Variants in GEMIN5 observed in about 807,000 individuals in gnomAD.
GEMIN5 encodes the protein gem nuclear organelle associated protein 5, also known as gem-associated protein 5.
A neutral mutation model predicts 176.9 loss-of-function variants in GEMIN5; 124 were observed. The ratio of observed to expected loss-of-function variants is 0.70; its 90% confidence interval spans 0.61 to 0.81. The LOEUF (loss-of-function observed/expected upper bound fraction) is 0.81, where lower values mean the gene tolerates loss of function less well. GEMIN5 is among the 40% of genes least tolerant of loss of function. The probability of loss-of-function intolerance (pLI) is 0.00; values close to 1 mark genes in which losing one functional copy is unlikely to be tolerated. For missense variants in GEMIN5, 1,843 were observed against 1,814.6 expected, an observed-to-expected ratio of 1.02 and a Z score of -0.28; for synonymous variants, 673 against 665.2, an observed-to-expected ratio of 1.01 and a Z score of -0.18.
Position 154,905,425 on chromosome 5 carries a change from G to C in GEMIN5, c.2447C>G (p.Ser816Ter). Residue 816 changes from serine to a stop codon, truncating the protein, a stop_gained, in exon 17 of 28, where the codon TCA becomes TGA. Transcript: ENST00000285873. LOFTEE classifies it high-confidence loss of function. ...GACTTTGTTATTAATGGTGACTTTTGACTTTTCAAAGCCTGAGGAAACTGG... is the reference window on the plus strand; with the variant it reads ...GACTTTGTTATTAATGGTGACTTTTCACTTTTCAAAGCCTGAGGAAACTGG... Reference protein sequence around the residue: ...CTPVSSGFEKSKVTINNKVIL... With the variant: ...CTPVSSGFEK 6.2e-7 allele frequency: 1 copy of C among 1,609,050 alleles called. No homozygotes were observed. Among genetic ancestry groups the C allele is most frequent in the Non-Finnish European group, 8.5e-7 (1 of 1,177,078 alleles).
In GEMIN5 at chr5:154,895,258, T is replaced by C. The variant is rs1763324774; in HGVS notation, c.3597+834A>G. ...GGCTCATGCCTGTAATCCCAGTACT[T>C]TGGGAGGCTGAGGCGGGAGGATCAC... On this transcript the variant is annotated intron_variant, in intron 24 of 27. Coordinates refer to ENST00000285873, the MANE Select transcript of GEMIN5 (RefSeq NM_015465.5). Among the ~76,000 whole-genome samples the C allele has an allele frequency of 5.3e-5, 8 of 151,040 alleles. No individual in the cohort carries two copies. In the South Asian group the frequency reaches 1.7e-3, roughly 32 times the overall value.
rs377286124 is a variant in GEMIN5 at position 154,924,584 on chromosome 5, T to C, written c.1294-30A>G. 576 of 1,366,964 alleles carry C rather than the reference T, an allele frequency of 4.2e-4. No individual in the cohort carries two copies. In the Middle Eastern group the frequency reaches 5.6e-3, roughly 13 times the overall value. The allele number at this position is 1,366,964 out of a possible 1,614,324, so 84.7% of individuals were successfully genotyped here. ...AAAAAAAAGAGTTTCCAAGTGAGAA[T>C]ATAAGAAGTGGGGCATATAGTTAAA... On this transcript the variant is annotated intron_variant, in intron 8 of 27. Transcript: ENST00000285873.
At chr5:154,894,215 G>A (rs889411744) in intron 24 of GEMIN5, among the ~76,000 whole-genome samples, 1 of 152,118 alleles carries the variant, frequency 6.6e-6, no homozygotes, top group African/African-American at 2.4e-5. Context: ...AAAGTGCTGG[G>A]ATTACAGGTG....
In GEMIN5 at chr5:154,938,193, C is replaced by T. The variant is rs1764313984; in HGVS notation, c.-60G>A. On this transcript the variant is annotated 5_prime_UTR_variant, in exon 1 of 28. Transcript: ENST00000285873. The stretch of plus-strand genomic sequence containing the variant: ...CAGCCGACCGCTCGTAGCCTCACGC[C>T]TTAGGTAGGGAGCGGGGCGGGGTGA... The T allele has an allele frequency of 7.9e-7, 1 of 1,270,558 alleles. No individual in the cohort carries two copies. Among genetic ancestry groups the T allele is most frequent in the South Asian group, 2.5e-5 (1 of 40,030 alleles). The allele number at this position is 1,270,558 out of a possible 1,614,324, so 78.7% of individuals were successfully genotyped here.
chr5:154,898,507 T>C lies in GEMIN5; in HGVS notation c.3278A>G (p.Gln1093Arg). ...CCAGTTGTTGGCCAGAAGCAGCTCT[T>C]GGGCACATCTGAGAGCCAGGGAAGC... ...LSASLALRCA[Q>R]ELLLANNWVG... The change falls in exon 23 of 28, where the codon CAA becomes CGA. Residue 1093 changes from glutamine (Q) to arginine (R), a missense_variant. Physicochemically the swap from Gln to Arg is conservative, Grantham distance 43. Coordinates refer to ENST00000285873, the MANE Select transcript of GEMIN5 (RefSeq NM_015465.5). The C allele has an allele frequency of 6.2e-7, 1 of 1,614,214 alleles. No homozygotes were observed. The highest frequency in any genetic ancestry group is 8.5e-7 in the Non-Finnish European group (1 of 1,180,034).
intron 5 of GEMIN5, among the ~76,000 whole-genome samples, chr5:154,930,433 G>A (rs942758306): frequency 2.6e-5 from 4 of 152,140 alleles, no homozygotes; most frequent in Admixed American, 6.5e-5. Flanking sequence ...TTGCCACACC[G>A]AAATTTTATT....
At chr5:154,937,259 A>G (rs1764289140) in intron 1 of GEMIN5, 74 bp from the exon 2 acceptor site, 1 of 1,245,386 alleles carries the variant, frequency 8.0e-7, no homozygotes, top group East Asian at 2.4e-5. Context: ...CTGTTGTTGG[A>G]TGACAAGTGA....
Position 154,917,177 on chromosome 5 carries a change from G to T in GEMIN5, c.1676C>A (p.Ser559Ter). The change falls in exon 13 of 28, where the codon TCA becomes TAA. Residue 559 changes from serine to a stop codon, truncating the protein, a stop_gained and splice_region_variant. Coordinates refer to ENST00000285873, the MANE Select transcript of GEMIN5 (RefSeq NM_015465.5). LOFTEE classifies it high-confidence loss of function. ...GTTGGGAATCTGAAATATTTCTATT[G>T]ATCTGGAATAAGAAACACATCAAAA... ...KIMALGNEDG[S>*]IEIFQIPNLK... 1 of 1,485,948 alleles carries T rather than the reference G, an allele frequency of 6.7e-7. No homozygotes were observed. Among genetic ancestry groups the T allele is most frequent in the South Asian group, 1.3e-5 (1 of 75,020 alleles). 92.0% of individuals were successfully genotyped at this position (1,485,948 alleles called of 1,614,324 possible). A position where few individuals can be genotyped will look rare whatever the true frequency, so the allele number is the denominator to read the frequency against.
At chr5:154,888,860 G>GTTTTT (rs780896498) in intron 27 of GEMIN5, among the ~76,000 whole-genome samples, 70 of 150,470 alleles carry the variant, frequency 4.7e-4, no homozygotes, top group Admixed American at 8.6e-4. Flanking sequence ...CTTTTTTTTT[G>GTTTTT]TTTTGTTTTT....
chr5:154,936,682 G>A (rs908719571), intron 2 of GEMIN5, among the ~76,000 whole-genome samples: 1 of 152,180 alleles, frequency 6.6e-6, no homozygotes, highest in Non-Finnish European at 1.5e-5. Flanking sequence ...TCAATAACCA[G>A]AGGGTAATTG....
intron 16 of GEMIN5, among the ~76,000 whole-genome samples, chr5:154,906,014 T>C (rs1290823483): frequency 1.3e-5 from 2 of 150,996 alleles, no homozygotes; most frequent in Non-Finnish European, 3.0e-5. Context: ...TTCTTTTGGT[T>C]AGAGATAAGA....
chr5:154,889,863 T>C (rs1763188038), intron 26 of GEMIN5, among the ~76,000 whole-genome samples: 1 of 152,252 alleles, frequency 6.6e-6, no homozygotes, highest in Admixed American at 6.5e-5. Flanking sequence ...GCTTATCCAT[T>C]CATCTGTCAG....
intron 11 of GEMIN5, 117 bp downstream of exon 11, chr5:154,919,850 A>C (rs1582668346): frequency 2.4e-6 from 2 of 847,170 alleles, no homozygotes; most frequent in East Asian, 5.1e-5. Flanking sequence ...AACATTTAAG[A>C]AATCTGACTT....
chr5:154,918,561 A>G (rs547573602), intron 11 of GEMIN5, among the ~76,000 whole-genome samples: 1 of 152,348 alleles, frequency 6.6e-6, no homozygotes, highest in South Asian at 2.1e-4. Context: ...TGAACCTCTG[A>G]TCCACACATT....
intron 18 of GEMIN5, among the ~76,000 whole-genome samples, chr5:154,903,731 T>C (rs1763512745): frequency 6.6e-6 from 1 of 151,788 alleles, no homozygotes; most frequent in Non-Finnish European, 1.5e-5. Flanking sequence ...CTTGTTAGGG[T>C]AGTGGGAGAC....
intron 10 of GEMIN5, 36 bp from the exon 11 acceptor site, chr5:154,920,139 T>A (rs1229169367): frequency 6.3e-7 from 1 of 1,578,560 alleles, no homozygotes; most frequent in South Asian, 1.1e-5. Flanking sequence ...ATCAGTTTTG[T>A]ACTTCATCAG....
At position 154,905,296 on chromosome 5, in the gene GEMIN5, C is replaced by T. The variant is rs190795088; in HGVS notation, c.2509+67G>A. Reference sequence around the variant, plus strand: ...AAACCACACTGTTTTTTGACAGTTGCGTGTAATATATGTAATATTTTAGGC... The same window carrying T: ...AAACCACACTGTTTTTTGACAGTTGTGTGTAATATATGTAATATTTTAGGC... On this transcript the variant is annotated intron_variant, in intron 17 of 27. Transcript: ENST00000285873. 2.1e-3 allele frequency: 1,399 copies of T among 669,720 alleles called. 1 individual carries two copies. The highest frequency in any genetic ancestry group is 3.0e-3 in the Non-Finnish European group (1,168 of 386,620). The allele number at this position is 669,720 out of a possible 1,614,324, so 41.5% of individuals were successfully genotyped here.
intron 15 of GEMIN5, among the ~76,000 whole-genome samples, chr5:154,910,477 C>T (rs561004275): frequency 6.6e-6 from 1 of 152,134 alleles, no homozygotes; most frequent in African/African-American, 2.4e-5. Context: ...TTTTATTTTG[C>T]AGTTCTTGGT....
At chr5:154,931,927 C>T (rs1384524992) in intron 4 of GEMIN5, among the ~76,000 whole-genome samples, 172 bp downstream of exon 4, 4 of 152,202 alleles carry the variant, frequency 2.6e-5, no homozygotes, top group Admixed American at 6.5e-5. Context: ...GCAGGAGAAT[C>T]GCTTGAACCC....
Sources: gnomAD v4.1 joint callset for allele counts (sites outside exome capture counted in the v4.1 genomes callset) on GRCh38, gnomAD v4.1.1 for gene constraint, MANE v1.5 for transcripts, NCBI Gene and HGNC (gene_info 2026-07-23, HGNC 2026-07-21) for gene names.